Variants in R3HDM1 observed in about 807,000 individuals in gnomAD.
The protein encoded by R3HDM1 is R3H domain-containing protein 1.
A neutral mutation model predicts 141.1 loss-of-function variants in R3HDM1; 46 were observed. The ratio of observed to expected loss-of-function variants is 0.33; its 90% confidence interval spans 0.26 to 0.42. The LOEUF is 0.42. R3HDM1 is among the 10% of genes least tolerant of loss of function. The pLI is 1.00. For synonymous variants in R3HDM1, 435 were observed against 472.9 expected, an observed-to-expected ratio of 0.92 and a Z score of 1.04; for missense variants, 1,184 against 1,368.3, an observed-to-expected ratio of 0.87 and a Z score of 2.12.
chr2:135,535,663 C>T (rs1266481288), intron 1 of R3HDM1, among the ~76,000 whole-genome samples: 1 of 151,846 alleles, frequency 6.6e-6, no homozygotes, highest in Non-Finnish European at 1.5e-5. Context: ...TTTAGTAATA[C>T]GGACATGTGC....
rs753677824 is a variant in R3HDM1 at position 135,651,949 on chromosome 2, A to G, written c.1945A>G (p.Thr649Ala). The change falls in exon 18 of 27, where the codon ACT becomes GCT. Residue 649 changes from threonine (T) to alanine (A), a missense_variant. By Grantham distance (58) the Thr-to-Ala change is moderately conservative. This residue lies in a region of R3HDM1 where 563 missense variants were observed against 562.0 expected (regional missense o/e 1.00). Transcript: ENST00000683871. ...PPLPPGQPVP[T>A]AGYPASGHPV... Reference sequence around the variant, plus strand: ...CCTACCACCTGGGCAGCCAGTCCCTACTGCTGGATATCCTGCCTCTGGTCA... The same window carrying G: ...CCTACCACCTGGGCAGCCAGTCCCTGCTGCTGGATATCCTGCCTCTGGTCA... 2 of 1,613,530 alleles carry G rather than the reference A, an allele frequency of 1.2e-6. No individual in the cohort carries two copies. The highest frequency in any genetic ancestry group is 1.7e-5 in the Admixed American group (1 of 59,978).
chr2:135,625,560 A>G (rs1186203645), intron 7 of R3HDM1, among the ~76,000 whole-genome samples: 1 of 152,194 alleles, frequency 6.6e-6, no homozygotes, highest in Non-Finnish European at 1.5e-5. Context: ...GCTTACAACT[A>G]AAATACCTGT....
rs947748166 is a variant in R3HDM1, at chr2:135,710,108, T to G, written c.2613T>G (p.Ser871Arg). The G allele has an allele frequency of 1.2e-6, 2 of 1,614,144 alleles. No homozygotes were observed. Among genetic ancestry groups the G allele is most frequent in the African/African-American group, 2.7e-5 (2 of 75,032 alleles). The change falls in exon 23 of 27, where the codon AGT becomes AGG. Residue 871 changes from serine (S) to arginine (R), a missense_variant. Ser to Arg is a moderately radical substitution (Grantham distance 110). Transcript: ENST00000683871. Reference sequence around the variant, plus strand: ...GGGGGATGGTGATGATGCAGCTCAGTGTACCAAACAATCCACAATCTTGTG... The same window carrying G: ...GGGGGATGGTGATGATGCAGCTCAGGGTACCAAACAATCCACAATCTTGTG... ...PGGGMVMMQL[S>R]VPNNPQSCAH...
intron 1 of R3HDM1, among the ~76,000 whole-genome samples, chr2:135,542,453 T>C (rs1697802661): frequency 6.6e-6 from 1 of 152,240 alleles, no homozygotes; most frequent in Non-Finnish European, 1.5e-5. Flanking sequence ...TTTCTAAATG[T>C]CAGTTCTTTT....
intron 7 of R3HDM1, among the ~76,000 whole-genome samples, chr2:135,630,281 CAAAAAAAAAAAAAAAA>C (rs911009655): frequency 7.6e-5 from 3 of 39,298 alleles, no homozygotes; most frequent in African/African-American, 2.8e-4. Context: ...CCTTCTCAAC[CAAAAAAAAAAAAAAAA>C]AAAAAAAAAA....
intron 21 of R3HDM1, among the ~76,000 whole-genome samples, chr2:135,704,316 C>T (rs2074609215): frequency 6.6e-6 from 1 of 152,122 alleles, no homozygotes. Flanking sequence ...TCAGCATAAA[C>T]ATCTTCAAAT....
intron 21 of R3HDM1, among the ~76,000 whole-genome samples, chr2:135,694,064 C>T (rs2072862165): frequency 6.6e-6 from 1 of 152,102 alleles, no homozygotes; most frequent in Admixed American, 6.5e-5. Context: ...CTAAATCTTC[C>T]CTACCTACTT....
intron 16 of R3HDM1, among the ~76,000 whole-genome samples, chr2:135,648,524 A>G (rs1203735868): frequency 6.6e-6 from 1 of 152,194 alleles, no homozygotes; most frequent in East Asian, 1.9e-4. Context: ...ATGAATATAC[A>G]TTTTAACTAA....
intron 1 of R3HDM1, among the ~76,000 whole-genome samples, chr2:135,576,483 A>G: frequency 6.6e-6 from 1 of 152,236 alleles, no homozygotes; most frequent in East Asian, 1.9e-4. Context: ...AATAAATAGT[A>G]CTGAGATATT....
intron 15 of R3HDM1, among the ~76,000 whole-genome samples, chr2:135,643,899 G>A (rs1057205967): frequency 6.6e-6 from 1 of 152,204 alleles, no homozygotes; most frequent in Non-Finnish European, 1.5e-5. Context: ...CTTGTAAGTG[G>A]GAGCTAAATG....
intron 19 of R3HDM1, among the ~76,000 whole-genome samples, chr2:135,669,922 T>A (rs2068071756): frequency 6.6e-6 from 1 of 152,122 alleles, no homozygotes; most frequent in Non-Finnish European, 1.5e-5. Flanking sequence ...TCCAATCACC[T>A]GGTGTCAGGA....
chr2:135,709,821 G>A (rs1171409485), intron 22 of R3HDM1, among the ~76,000 whole-genome samples: 2 of 152,038 alleles, frequency 1.3e-5, no homozygotes, highest in African/African-American at 2.4e-5. Context: ...AGCTGTTCCT[G>A]TTTACTCCAA....
chr2:135,694,348 A>G (rs1189957339), intron 21 of R3HDM1, among the ~76,000 whole-genome samples: 1 of 152,162 alleles, frequency 6.6e-6, no homozygotes, highest in Non-Finnish European at 1.5e-5. Flanking sequence ...TATTTTTTGA[A>G]TAATTTCCAG....
At chr2:135,701,547 A>C (rs1349442602) in intron 21 of R3HDM1, among the ~76,000 whole-genome samples, 1 of 152,190 alleles carries the variant, frequency 6.6e-6, no homozygotes, top group African/African-American at 2.4e-5. Context: ...ATGTTTGGCT[A>C]CTGTTGACTC....
At chr2:135,718,299 A>G (rs1341792014) in intron 24 of R3HDM1, among the ~76,000 whole-genome samples, 2 of 152,184 alleles carry the variant, frequency 1.3e-5, no homozygotes, top group African/African-American at 4.8e-5. Flanking sequence ...AATTCATCAG[A>G]TTCAACACTT....
At chr2:135,600,274 G>A (rs1432097783) in intron 1 of R3HDM1, among the ~76,000 whole-genome samples, 1 of 151,972 alleles carries the variant, frequency 6.6e-6, no homozygotes, top group Non-Finnish European at 1.5e-5. Flanking sequence ...TATTCAATTA[G>A]AAGCCTTCAA....
intron 21 of R3HDM1, among the ~76,000 whole-genome samples, chr2:135,684,316 C>G (rs572136587): frequency 6.6e-6 from 1 of 152,228 alleles, no homozygotes; most frequent in South Asian, 2.1e-4. Context: ...GTCTCAATCT[C>G]CTGACCTCGT....
At chr2:135,637,031 C>G (rs1321830440) in intron 11 of R3HDM1, among the ~76,000 whole-genome samples, 1 of 152,168 alleles carries the variant, frequency 6.6e-6, no homozygotes, top group African/African-American at 2.4e-5. Context: ...AGAGATCACA[C>G]AGCTAGAAAA....
At chr2:135,714,509 A>G (rs140288814) in intron 23 of R3HDM1, among the ~76,000 whole-genome samples, 104 of 152,328 alleles carry the variant, frequency 6.8e-4, no homozygotes, top group African/African-American at 2.4e-3. Flanking sequence ...TCTGGACTTG[A>G]AGGGAAACAT....
Sources: gnomAD v4.1 joint callset for allele counts (sites outside exome capture counted in the v4.1 genomes callset) on GRCh38, gnomAD v4.1.1 for gene constraint, gnomAD v4.1.1 regional missense constraint, MANE v1.5 for transcripts, NCBI Gene and HGNC (gene_info 2026-07-23, HGNC 2026-07-21) for gene names.